The following TIAM1 variants were observed in gnomAD, a reference collection of about 807,000 sequenced individuals.
TIAM1 encodes the protein rho guanine nucleotide exchange factor TIAM1.
TIAM1 carries 65 observed loss-of-function variants against 163.5 expected under a neutral mutation model. The observed-to-expected ratio is 0.40, with a 90% CI of 0.33 to 0.49. The LOEUF (loss-of-function observed/expected upper bound fraction) is 0.49, where lower values mean the gene tolerates loss of function less well. Ranked by LOEUF, TIAM1 falls within the 20% of genes least tolerant of loss-of-function variation. The pLI is 0.77. For synonymous variants in TIAM1, 833 were observed against 810.1 expected (o/e 1.03, Z -0.48); for missense variants, 1,789 against 2,044.7 (o/e 0.87, Z 2.41).
intron 12 of TIAM1, among the ~76,000 whole-genome samples, chr21:31,198,002 A>G (rs1037079172): frequency 1.3e-5 from 2 of 152,236 alleles, no homozygotes; most frequent in African/African-American, 2.4e-5. Flanking sequence ...TCCAAAATTT[A>G]TAATAAAAAC....
At chr21:31,436,698 C>T (rs998314182) in intron 2 of TIAM1, among the ~76,000 whole-genome samples, 2 of 151,958 alleles carry the variant, frequency 1.3e-5, no homozygotes. Flanking sequence ...TGGCTCACAC[C>T]TGTAATTCCA....
intron 1 of TIAM1, among the ~76,000 whole-genome samples, chr21:31,473,211 C>T (rs923899474): frequency 4.6e-5 from 7 of 152,044 alleles, no homozygotes; most frequent in African/African-American, 7.2e-5. Flanking sequence ...GGGCAGATCA[C>T]GAGGCCAGGA....
chr21:31,374,737 GA>G (rs1328191600), intron 2 of TIAM1, among the ~76,000 whole-genome samples: 6 of 152,180 alleles, frequency 3.9e-5, no homozygotes, highest in Non-Finnish European at 1.5e-5. Context: ...GGCAATATGG[GA>G]TAAGACTTGG....
intron 3 of TIAM1, among the ~76,000 whole-genome samples, chr21:31,273,340 A>G (rs892751421): frequency 1.3e-5 from 2 of 152,196 alleles, no homozygotes; most frequent in Non-Finnish European, 2.9e-5. Flanking sequence ...AGAACATCCC[A>G]TAATGGTGTG....
intron 2 of TIAM1, among the ~76,000 whole-genome samples, chr21:31,384,401 C>CAAAAA (rs5843516): frequency 9.3e-6 from 1 of 107,800 alleles, no homozygotes; most frequent in Non-Finnish European, 1.9e-5. Context: ...CCCATCTCTA[C>CAAAAA]AAAAAAAAAA....
At chr21:31,375,425 C>A (rs2076666377) in intron 2 of TIAM1, among the ~76,000 whole-genome samples, 1 of 152,102 alleles carries the variant, frequency 6.6e-6, no homozygotes, top group East Asian at 1.9e-4. Flanking sequence ...AAACAATGGG[C>A]AAAATACCAG....
intron 2 of TIAM1, among the ~76,000 whole-genome samples, chr21:31,326,765 C>T (rs1028088390): frequency 2.6e-5 from 4 of 152,178 alleles, no homozygotes; most frequent in African/African-American, 7.2e-5. Context: ...AGCGATTGCC[C>T]TCCATCCCTT....
chr21:31,430,080 A>G (rs2043947023), intron 2 of TIAM1, among the ~76,000 whole-genome samples: 1 of 151,666 alleles, frequency 6.6e-6, no homozygotes, highest in African/African-American at 2.4e-5. Flanking sequence ...GTTGGCGGGT[A>G]CCTGTAATCC....
At chr21:31,534,442 G>A (rs188211519) in intron 1 of TIAM1, among the ~76,000 whole-genome samples, 12 of 152,110 alleles carry the variant, frequency 7.9e-5, no homozygotes, top group South Asian at 6.2e-4. Context: ...TTGGGAGGCC[G>A]AGGTGGGTGG....
At chr21:31,351,907 A>C (rs1190601761) in intron 2 of TIAM1, among the ~76,000 whole-genome samples, 2 of 152,038 alleles carry the variant, frequency 1.3e-5, no homozygotes, top group African/African-American at 4.8e-5. Flanking sequence ...ATCTCTACTA[A>C]AAACACAAAA....
Position 31,182,448 on chromosome 21 carries a change from G to A in TIAM1, c.2860C>T (p.Pro954Ser), listed in dbSNP as rs751660506. The A allele has an allele frequency of 4.0e-5, 63 of 1,593,824 alleles. No individual in the cohort carries two copies. The highest frequency in any genetic ancestry group is 5.2e-5 in the Non-Finnish European group (61 of 1,170,644). The change falls in exon 15 of 28, where the codon CCC becomes TCC. Residue 954 changes from proline (P) to serine (S), a missense_variant. Around this residue, in one of 5 missense-constraint regions of TIAM1, gnomAD observed 303 missense variants for 321.3 expected, o/e 0.94. Coordinates refer to ENST00000541036, the MANE Select transcript of TIAM1 (RefSeq NM_001353694.2). ...VDGPADLGESPLAFLTSNPGH... is the reference protein window; with the variant it reads ...VDGPADLGESSLAFLTSNPGH... Reference sequence around the variant, plus strand: ...GGGTTGCTGGTGAGAAAGGCGAGGGGGCTCTCGCCAAGGTCGGCAGGGCCG... The same window carrying A: ...GGGTTGCTGGTGAGAAAGGCGAGGGAGCTCTCGCCAAGGTCGGCAGGGCCG...
intron 6 of TIAM1, among the ~76,000 whole-genome samples, chr21:31,242,063 A>G (rs2071211088): frequency 6.6e-6 from 1 of 152,168 alleles, no homozygotes; most frequent in Non-Finnish European, 1.5e-5. Flanking sequence ...TAGTCAATAG[A>G]AACTGTCTCA....
intron 2 of TIAM1, among the ~76,000 whole-genome samples, chr21:31,377,183 CTTTTTTT>C (rs10585362): frequency 1.4e-5 from 2 of 140,428 alleles, no homozygotes; most frequent in Non-Finnish European, 3.1e-5. Flanking sequence ...CTGGCTGAAA[CTTTTTTT>C]TTTTTTTTTT....
At position 31,165,341 on chromosome 21, in the gene TIAM1, C is replaced by G. The variant is rs181982785; in HGVS notation, c.2888-276G>C. Among the ~76,000 whole-genome samples, 6 of 152,224 alleles carry G rather than the reference C, an allele frequency of 3.9e-5. No homozygotes were observed. The East Asian group carries it at 9.6e-4, about 24-fold the overall frequency. ...CCATACAAATTCTTATGTTGAAGACCTACCCCTCAATGTAATAGTAGTTAG... is the reference window on the plus strand; with the variant it reads ...CCATACAAATTCTTATGTTGAAGACGTACCCCTCAATGTAATAGTAGTTAG... On this transcript the variant is annotated intron_variant, in intron 15 of 27. Transcript: ENST00000541036.
At chr21:31,293,716 G>C (rs894666034) in intron 2 of TIAM1, among the ~76,000 whole-genome samples, 1 of 152,170 alleles carries the variant, frequency 6.6e-6, no homozygotes, top group African/African-American at 2.4e-5. Context: ...GCGAAGAGCG[G>C]CAAGTCTTGC....
At chr21:31,429,990 G>A (rs2043942795) in intron 2 of TIAM1, among the ~76,000 whole-genome samples, 2 of 151,952 alleles carry the variant, frequency 1.3e-5, no homozygotes, top group Admixed American at 1.3e-4. Flanking sequence ...TGGATCACTT[G>A]AGGTCAGGAG....
chr21:31,229,226 TTC>T (rs2088251187), intron 6 of TIAM1, among the ~76,000 whole-genome samples: 1 of 152,120 alleles, frequency 6.6e-6, no homozygotes, highest in African/African-American at 2.4e-5. Context: ...GCTGGCCACC[TTC>T]TGTTTCTTCA....
At chr21:31,279,265 G>A (rs2073439299) in intron 2 of TIAM1, among the ~76,000 whole-genome samples, 1 of 152,194 alleles carries the variant, frequency 6.6e-6, no homozygotes, top group Non-Finnish European at 1.5e-5. Flanking sequence ...CTATGACCCT[G>A]GTTGCGGAAC....
rs1242776677 is a variant in TIAM1 at position 31,217,672 on chromosome 21, C to A, written c.2023G>T (p.Val675Leu). 6.2e-7 allele frequency: 1 copy of A among 1,613,802 alleles called. No homozygotes were observed. The highest frequency in any genetic ancestry group is 1.7e-5 in the Admixed American group (1 of 60,004). Residue 675 changes from valine (V) to leucine (L), a missense_variant, in exon 9 of 28, where the codon GTG becomes TTG. Around this residue, in one of 5 missense-constraint regions of TIAM1, gnomAD observed 456 missense variants for 586.6 expected, o/e 0.78. Transcript: ENST00000541036. ...GACATGGCCTGAGTACGTCTTCTCA[C>A]TCCAGTTTCACCAGTGCGTGCTGCC... ...LVAARTGETG[V>L]RRRTQAMSRS...
Sources: allele counts gnomAD v4.1 joint callset (sites outside exome capture counted in the v4.1 genomes callset), GRCh38; gene constraint gnomAD v4.1.1; regional missense constraint gnomAD v4.1.1; transcripts MANE v1.5; gene names NCBI Gene and HGNC (gene_info 2026-07-23, HGNC 2026-07-21).